The following ANKRD30B variants were observed in gnomAD, a reference collection of about 807,000 sequenced individuals.
ANKRD30B encodes ankyrin repeat domain-containing protein 30B.
ANKRD30B carries 144 observed loss-of-function variants against 202.2 expected under a neutral mutation model. The ratio of observed to expected loss-of-function variants is 0.71; its 90% confidence interval spans 0.62 to 0.82. ANKRD30B has a LOEUF of 0.82. Ranked by LOEUF, ANKRD30B falls within the 40% of genes least tolerant of loss-of-function variation. The pLI is 0.00. For synonymous variants in ANKRD30B, 508 were observed against 561.3 expected, an observed-to-expected ratio of 0.91 and a Z score of 1.34; for missense variants, 1,487 against 1,669.1, an observed-to-expected ratio of 0.89 and a Z score of 1.90.
At chr18:14,749,670 C>CAAAAAAAAAAAA (rs55960708) in intron 1 of ANKRD30B, among the ~76,000 whole-genome samples, 9 of 61,196 alleles carry the variant, frequency 1.5e-4, no homozygotes, top group East Asian at 6.7e-4. Flanking sequence ...GACTCTGTCT[C>CAAAAAAAAAAAA]AAAAAAAAAA....
chr18:14,908,303 C>A, the ANKRD30B span, among the ~76,000 whole-genome samples: 24 of 152,194 alleles, frequency 1.6e-4, no homozygotes, highest in Non-Finnish European at 3.4e-4. Context: ...AATGCCTCCG[C>A]TGTTTACTTC....
the ANKRD30B span, among the ~76,000 whole-genome samples, chr18:14,887,437 T>C: frequency 1.3e-5 from 2 of 152,190 alleles, no homozygotes; most frequent in Non-Finnish European, 2.9e-5. Context: ...ATTCTAACTT[T>C]AAAATCCTGT....
chr18:14,940,661 C>T, the ANKRD30B span, among the ~76,000 whole-genome samples: 94,510 of 151,956 alleles, frequency 0.62, 29,535 homozygotes, highest in South Asian at 0.68. Context: ...AAGGAAAGTC[C>T]CTCTTTCTAG....
the ANKRD30B span, among the ~76,000 whole-genome samples, chr18:14,904,422 T>C: frequency 2.0e-5 from 3 of 152,146 alleles, no homozygotes; most frequent in Non-Finnish European, 4.4e-5. Context: ...TGGGGGACTG[T>C]TCTATTTTGT....
intron 11 of ANKRD30B, among the ~76,000 whole-genome samples, chr18:14,781,732 G>T (rs1326510869): frequency 1.3e-5 from 2 of 152,170 alleles, no homozygotes; most frequent in African/African-American, 4.8e-5. Context: ...CAGTCCAGCT[G>T]AGAGTGTCCG....
intron 33 of ANKRD30B, among the ~76,000 whole-genome samples, chr18:14,830,870 A>G (rs1970888799): frequency 6.6e-6 from 1 of 152,156 alleles, no homozygotes; most frequent in African/African-American, 2.4e-5. Flanking sequence ...AGTCAAAAAT[A>G]GGTAAATGCA....
chr18:14,857,385 C>T (rs1415084492), downstream of ANKRD30B, among the ~76,000 whole-genome samples: 3 of 432 alleles, frequency 6.9e-3, 1 homozygote, highest in African/African-American at 7.4e-3. Context: ...TGGGCAAAGG[C>T]GCTCCTCACC....
At chr18:14,804,351 G>A (rs1969367504) in intron 24 of ANKRD30B, among the ~76,000 whole-genome samples, 2 of 109,052 alleles carry the variant, frequency 1.8e-5, no homozygotes, top group Non-Finnish European at 3.7e-5. Flanking sequence ...TGACCATGGA[G>A]AGCTGTGTTC....
the ANKRD30B span, among the ~76,000 whole-genome samples, chr18:14,866,134 C>T: frequency 2.6e-5 from 4 of 152,244 alleles, no homozygotes; most frequent in Non-Finnish European, 4.4e-5. Flanking sequence ...GTCCAGAAAC[C>T]ATGTGCGTAA....
At chr18:14,817,650 A>T (rs1000378088) in intron 30 of ANKRD30B, among the ~76,000 whole-genome samples, 17 of 152,114 alleles carry the variant, frequency 1.1e-4, no homozygotes, top group Non-Finnish European at 2.4e-4. Context: ...TTCCTATCTC[A>T]TGACACTCTG....
At chr18:14,891,798 T>C in the ANKRD30B span, among the ~76,000 whole-genome samples, 1 of 152,234 alleles carries the variant, frequency 6.6e-6, no homozygotes, top group Non-Finnish European at 1.5e-5. Context: ...TTTAGAGCAC[T>C]CTATTTGGTA....
chr18:14,790,163 G>A (rs1206833740), intron 15 of ANKRD30B, among the ~76,000 whole-genome samples: 1 of 152,126 alleles, frequency 6.6e-6, no homozygotes, highest in South Asian at 2.1e-4. Flanking sequence ...TTGTGAATGG[G>A]AGTTCACTCA....
chr18:14,872,503 T>C, the ANKRD30B span, among the ~76,000 whole-genome samples: 2 of 152,204 alleles, frequency 1.3e-5, no homozygotes, highest in Admixed American at 6.5e-5. Context: ...ACCTGTTGTG[T>C]ATCCAATGCA....
intron 15 of ANKRD30B, among the ~76,000 whole-genome samples, chr18:14,788,057 A>AGCGTAT (rs1968202056): frequency 6.6e-6 from 1 of 152,214 alleles, no homozygotes; most frequent in South Asian, 2.1e-4. Context: ...CTTTTTCAGC[A>AGCGTAT]TTCTGTGCAT....
intron 33 of ANKRD30B, among the ~76,000 whole-genome samples, chr18:14,831,040 G>T (rs1490558432): frequency 6.6e-6 from 1 of 151,956 alleles, no homozygotes; most frequent in Non-Finnish European, 1.5e-5. Context: ...AAATTAGCCG[G>T]GCGCAGTGGC....
the ANKRD30B span, among the ~76,000 whole-genome samples, chr18:14,878,450 C>T: frequency 1.3e-5 from 2 of 151,980 alleles, no homozygotes; most frequent in South Asian, 4.1e-4. Flanking sequence ...TCTTTGCCTT[C>T]TTTCTCGATT....
At chr18:14,879,224 G>A in the ANKRD30B span, among the ~76,000 whole-genome samples, 2 of 152,122 alleles carry the variant, frequency 1.3e-5, no homozygotes, top group African/African-American at 4.8e-5. Context: ...CAGTTAGAAG[G>A]GTTCAGTGTG....
chr18:14,853,289 T>G (rs1971961594), intron 42 of ANKRD30B, among the ~76,000 whole-genome samples: 1 of 152,172 alleles, frequency 6.6e-6, no homozygotes, highest in African/African-American at 2.4e-5. Flanking sequence ...GCAAGGTTCA[T>G]GTATAGTACA....
chr18:14,842,848 T>A (rs768604081), intron 37 of ANKRD30B, 49 bp from the exon 38 acceptor site: 8 of 1,526,220 alleles, frequency 5.2e-6, no homozygotes, highest in Non-Finnish European at 7.1e-6. Context: ...TTGTGGCTGG[T>A]TTTGTCATAT....
Sources: gnomAD v4.1 joint callset for allele counts (sites outside exome capture counted in the v4.1 genomes callset) on GRCh38, gnomAD v4.1.1 for gene constraint, MANE v1.5 for transcripts, NCBI Gene and HGNC (gene_info 2026-07-23, HGNC 2026-07-21) for gene names.